Variants in PTGFRN observed in about 807,000 individuals in gnomAD.
PTGFRN encodes the protein prostaglandin F2 receptor inhibitor.
Under a neutral mutation model 83.2 loss-of-function variants are expected in PTGFRN, and 35 were observed. The observed-to-expected ratio is 0.42, with a 90% CI of 0.32 to 0.56. The LOEUF (loss-of-function observed/expected upper bound fraction) is 0.56. Ranked by LOEUF, PTGFRN falls within the 20% of genes least tolerant of loss-of-function variation. The probability of loss-of-function intolerance (pLI) is 0.11; values close to 1 mark genes in which losing one functional copy is unlikely to be tolerated. For synonymous variants in PTGFRN, 519 were observed against 498.6 expected, an observed-to-expected ratio of 1.04 and a Z score of -0.55; for missense variants, 1,051 against 1,179.5, an observed-to-expected ratio of 0.89 and a Z score of 1.60.
chr1:116,986,721 G>A (rs1389610287), intron 8 of PTGFRN, 80 bp from the exon 9 acceptor site: 1 of 1,409,992 alleles, frequency 7.1e-7, no homozygotes, highest in African/African-American at 1.4e-5. Context: ...CTGCTCCAGT[G>A]GGGAAGGGAG....
At chr1:116,933,977 AT>A (rs1324036416) in intron 1 of PTGFRN, among the ~76,000 whole-genome samples, 1 of 152,184 alleles carries the variant, frequency 6.6e-6, no homozygotes, top group African/African-American at 2.4e-5. Flanking sequence ...ATTATGCCTA[AT>A]TCTACTACAG....
At chr1:116,934,141 T>A (rs1649864487) in intron 1 of PTGFRN, among the ~76,000 whole-genome samples, 1 of 152,120 alleles carries the variant, frequency 6.6e-6, no homozygotes, top group Non-Finnish European at 1.5e-5. Flanking sequence ...TGTTTTGTTT[T>A]TGTGATTGTT....
Position 116,949,519 on chromosome 1 carries a change from A to G in PTGFRN, c.1160A>G (p.His387Arg), listed in dbSNP as rs1461120955. The G allele has an allele frequency of 6.2e-7, 1 of 1,614,142 alleles. No homozygotes were observed. The highest frequency in any genetic ancestry group is 1.3e-5 in the African/African-American group (1 of 75,066). ...GCACCCGGACACAACAGGAGCTGGC[A>G]CAAAGTGGCAGAGGCCGTGTCTTCC... is the stretch of plus-strand genomic sequence containing the variant. ...LWAPGHNRSWHKVAEAVSSPA... is the reference protein window; with the variant it reads ...LWAPGHNRSWRKVAEAVSSPA... The change falls in exon 4 of 9, where the codon CAC (histidine) becomes CGC (arginine). Residue 387 changes from histidine to arginine, a missense_variant. By Grantham distance (29) the His-to-Arg change is conservative. Coordinates refer to ENST00000393203, the MANE Select transcript of PTGFRN (RefSeq NM_020440.4).
rs975650585 is a variant in PTGFRN at position 116,958,830 on chromosome 1, G to A, written c.1214-2413G>A. On this transcript the variant is annotated intron_variant, in intron 4 of 8. Transcript: ENST00000393203. This position sits in a 1 kb window ranked among gnomAD's most constrained non-coding sequence, Gnocchi z 4.9. ...GTTCTCTGCTGCCTCACAGTTTGCTGTTCAGGGTTATGGTTCTCCAGTCCC... is the reference window on the plus strand; with the variant it reads ...GTTCTCTGCTGCCTCACAGTTTGCTATTCAGGGTTATGGTTCTCCAGTCCC... Among the ~76,000 whole-genome samples, 1 of 152,166 alleles carries A rather than the reference G, an allele frequency of 6.6e-6. No homozygotes were observed. The highest frequency in any genetic ancestry group is 1.5e-5 in the Non-Finnish European group (1 of 68,024).
At chr1:116,943,920 T>C (rs1650118688) in intron 2 of PTGFRN, among the ~76,000 whole-genome samples, 1 of 152,228 alleles carries the variant, frequency 6.6e-6, no homozygotes, top group Non-Finnish European at 1.5e-5. Context: ...TTTTCCCTGC[T>C]GCTTGGTAGT....
chr1:116,930,939 G>A (rs759882873), intron 1 of PTGFRN, among the ~76,000 whole-genome samples: 9 of 152,164 alleles, frequency 5.9e-5, no homozygotes, highest in South Asian at 4.1e-4. Context: ...GGCCAAATTC[G>A]AATATTGACA....
intron 4 of PTGFRN, among the ~76,000 whole-genome samples, chr1:116,950,604 T>C (rs1305623052): frequency 6.6e-6 from 1 of 152,192 alleles, no homozygotes; most frequent in Non-Finnish European, 1.5e-5. Flanking sequence ...TATCTCTGCA[T>C]GGAAATCTTC....
Position 116,961,719 on chromosome 1 carries a change from G to C in PTGFRN, c.1639+51G>C. On this transcript the variant is annotated intron_variant, in intron 5 of 8. Transcript: ENST00000393203. The surrounding 1 kb of genome is among the most constrained non-coding windows in gnomAD (Gnocchi z 5.4). ...TTTTTGTTTTGTCTTTGCTTAAGTC[G>C]TGCCGCTGTGTGTTGATGCACAGTC... 1 of 1,512,722 alleles carries C rather than the reference G, an allele frequency of 6.6e-7. No homozygotes were observed. The highest frequency in any genetic ancestry group is 9.0e-7 in the Non-Finnish European group (1 of 1,116,612). The allele number at this position is 1,512,722 out of a possible 1,614,324, so 93.7% of individuals were successfully genotyped here. A position where few individuals can be genotyped will look rare whatever the true frequency, so the allele number is the denominator to read the frequency against.
intron 1 of PTGFRN, among the ~76,000 whole-genome samples, chr1:116,927,095 A>G (rs1267353594): frequency 1.3e-5 from 2 of 152,214 alleles, no homozygotes; most frequent in Non-Finnish European, 2.9e-5. Flanking sequence ...AAACAGAAGC[A>G]GAAAGAGCAA....
At chr1:116,959,938 A>C (rs531247939) in intron 4 of PTGFRN, among the ~76,000 whole-genome samples, 1 of 152,036 alleles carries the variant, frequency 6.6e-6, no homozygotes, top group African/African-American at 2.4e-5. Context: ...GCGCCACTGC[A>C]CTCCACTTGG....
chr1:116,928,396 A>G (rs1024491167), intron 1 of PTGFRN, among the ~76,000 whole-genome samples: 3 of 152,142 alleles, frequency 2.0e-5, no homozygotes, highest in Admixed American at 1.3e-4. Flanking sequence ...CCATCAGGCC[A>G]TTCTCACTTT....
intron 4 of PTGFRN, among the ~76,000 whole-genome samples, chr1:116,959,693 G>T (rs1207609754): frequency 6.6e-6 from 1 of 152,164 alleles, no homozygotes; most frequent in Non-Finnish European, 1.5e-5. Context: ...CCCTTTATAG[G>T]CCGGGTGCGG....
In PTGFRN at chr1:116,961,747, C is replaced by T; in HGVS notation, c.1639+79C>T. On this transcript the variant is annotated intron_variant, in intron 5 of 8. Transcript: ENST00000393203. This position sits in a 1 kb window ranked among gnomAD's most constrained non-coding sequence, Gnocchi z 5.4. ...CCGCTGTGTGTTGATGCACAGTCAC[C>T]CTCTGCAGGTTATCACTTACACTAG... is the stretch of plus-strand genomic sequence containing the variant. The T allele has an allele frequency of 1.5e-6, 2 of 1,326,848 alleles. No homozygotes were observed. The highest frequency in any genetic ancestry group is 2.1e-6 in the Non-Finnish European group (2 of 970,036). 82.2% of individuals were successfully genotyped at this position (1,326,848 alleles called of 1,614,324 possible).
chr1:116,926,750 T>C (rs1321609374), intron 1 of PTGFRN, among the ~76,000 whole-genome samples: 2 of 152,192 alleles, frequency 1.3e-5, no homozygotes, highest in Non-Finnish European at 2.9e-5. Flanking sequence ...CAATACTTGG[T>C]TTACTGTGTT....
intron 1 of PTGFRN, among the ~76,000 whole-genome samples, chr1:116,926,601 C>T (rs1043952287): frequency 6.6e-6 from 1 of 152,122 alleles, no homozygotes; most frequent in Non-Finnish European, 1.5e-5. Flanking sequence ...CTTCTCGGAA[C>T]CTCAGTTTCC....
At chr1:116,981,560 G>C (rs17036674) in intron 7 of PTGFRN, among the ~76,000 whole-genome samples, 2,220 of 152,326 alleles carry the variant, frequency 0.015, 58 homozygotes, top group African/African-American at 0.051. Flanking sequence ...ACTAGCATCT[G>C]GAAGCAGAGG....
Position 116,974,238 on chromosome 1 carries a change from G to A in PTGFRN, c.2082G>A (p.Val694=). 1 of 1,610,498 alleles carries A rather than the reference G, an allele frequency of 6.2e-7. No homozygotes were observed. The highest frequency in any genetic ancestry group is 8.5e-7 in the Non-Finnish European group (1 of 1,176,956). ...QTSGPIFNAS[V]HSDTPSVIRG... Reference sequence around the variant, plus strand: ...CAGGTCCTATATTTAATGCTTCTGTGCATTCAGACACACCATCAGTAATTC... The same window carrying A: ...CAGGTCCTATATTTAATGCTTCTGTACATTCAGACACACCATCAGTAATTC... The change falls in exon 7 of 9, where the codon GTG becomes GTA. Residue 694 remains valine (V), a synonymous_variant. Coordinates refer to ENST00000393203, the MANE Select transcript of PTGFRN (RefSeq NM_020440.4).
chr1:116,973,082 G>A (rs965661985), intron 6 of PTGFRN, among the ~76,000 whole-genome samples: 2 of 151,964 alleles, frequency 1.3e-5, no homozygotes, highest in South Asian at 4.2e-4. Flanking sequence ...GTGCACCACC[G>A]TGCTCAGCTA....
At chr1:116,983,120 T>TAA in intron 7 of PTGFRN, among the ~76,000 whole-genome samples, 1 of 152,318 alleles carries the variant, frequency 6.6e-6, no homozygotes, top group East Asian at 1.9e-4. Context: ...TGTGGTAAAT[T>TAA]TAACCCTGGG....
Sources: gnomAD v4.1 joint callset for allele counts (sites outside exome capture counted in the v4.1 genomes callset) on GRCh38, gnomAD v4.1.1 for gene constraint, Gnocchi (gnomAD v3.1) non-coding constraint, MANE v1.5 for transcripts, NCBI Gene and HGNC (gene_info 2026-07-23, HGNC 2026-07-21) for gene names.